Variants in NUDT16 observed in about 807,000 individuals in gnomAD.
NUDT16 encodes the protein U8 snoRNA-decapping enzyme.
Under a neutral mutation model 11.7 loss-of-function variants are expected in NUDT16, and 12 were observed. The observed-to-expected ratio is 1.03, with a 90% CI of 0.66 to 1.67. NUDT16 has a LOEUF of 1.67. NUDT16 is among the 40% of genes most tolerant of loss of function. NUDT16 has a pLI of 0.00. For missense variants in NUDT16, 303 were observed against 268.9 expected, an observed-to-expected ratio of 1.13 and a Z score of -0.89; for synonymous variants, 129 against 122.6, an observed-to-expected ratio of 1.05 and a Z score of -0.35.
At position 131,382,170 on chromosome 3, in the gene NUDT16, T is replaced by C. The variant is rs571825966; in HGVS notation, c.263T>C (p.Phe88Ser). 98 of 1,612,210 alleles carry C rather than the reference T, an allele frequency of 6.1e-5. No homozygotes were observed. In the East Asian group the frequency reaches 2.2e-3, roughly 36 times the overall value. ...REELGEAAAA[F>S]RVERTDYRSS... ...GAGCTGGGCGAAGCGGCTGCCGCTT[T>C]CCGCGTGGAGCGCACTGACTACCGC... Residue 88 changes from phenylalanine to serine, a missense_variant, in exon 2 of 3, where the codon TTC becomes TCC. Transcript: ENST00000521288.
rs1177150175 is a variant in NUDT16, at chr3:131,382,229, G to T, written c.322G>T (p.Ala108Ser). The change falls in exon 2 of 3, where the codon GCC becomes TCC. Residue 108 changes from alanine to serine, a missense_variant. By Grantham distance (99) the Ala-to-Ser change is moderately conservative. Coordinates refer to ENST00000521288, the MANE Select transcript of NUDT16 (RefSeq NM_152395.3). ...SHVGSGPRVVAHFYAKRLTLE... is the reference protein window; with the variant it reads ...SHVGSGPRVVSHFYAKRLTLE... ...CGTCGGGTCAGGGCCACGCGTTGTGGCCCACTTCTATGCCAAGCGTCTGAC... is the reference window on the plus strand; with the variant it reads ...CGTCGGGTCAGGGCCACGCGTTGTGTCCCACTTCTATGCCAAGCGTCTGAC... 6.2e-7 allele frequency: 1 copy of T among 1,610,220 alleles called. No homozygotes were observed. Among genetic ancestry groups the T allele is most frequent in the South Asian group, 1.1e-5 (1 of 90,856 alleles).
Position 131,383,590 on chromosome 3 carries a change from T to A in NUDT16, c.*249T>A, listed in dbSNP as rs1029645511. ...AGAGCCTGCCTCCTCCCTGTTTATA[T>A]GCGTACAGCCTGGTAACCCCCAGGC... On this transcript the variant is annotated 3_prime_UTR_variant, in exon 3 of 3. Coordinates refer to ENST00000521288, the MANE Select transcript of NUDT16 (RefSeq NM_152395.3). The surrounding 1 kb of genome is among the most constrained non-coding windows in gnomAD (Gnocchi z 4.4). 6.6e-5 allele frequency: 46 copies of A among 701,408 alleles called. No individual in the cohort carries two copies. Among genetic ancestry groups the A allele is most frequent in the Middle Eastern group, 4.0e-4 (1 of 2,530 alleles). The allele number at this position is 701,408 out of a possible 1,614,324, so 43.4% of individuals were successfully genotyped here. A position where few individuals can be genotyped will look rare whatever the true frequency, so the allele number is the denominator to read the frequency against.
rs1305253303 is a variant in NUDT16 at position 131,383,431 on chromosome 3, T to A, written c.*90T>A. The A allele has an allele frequency of 6.4e-7, 1 of 1,569,196 alleles. No individual in the cohort carries two copies. Among genetic ancestry groups the A allele is most frequent in the Admixed American group, 1.8e-5 (1 of 54,258 alleles). On this transcript the variant is annotated 3_prime_UTR_variant, in exon 3 of 3. Coordinates refer to ENST00000521288, the MANE Select transcript of NUDT16 (RefSeq NM_152395.3). This position sits in a 1 kb window ranked among gnomAD's most constrained non-coding sequence, Gnocchi z 4.4. ...GACGTGGGAATGTTTTCTTATTGGA[T>A]CTGAGAGATGATACATGATACCAGA...
chr3:131,381,855 G>A lies in NUDT16; in HGVS notation c.51G>A (p.Ser17=), dbSNP rs16836554. 1.2e-6 allele frequency: 2 copies of A among 1,600,914 alleles called. No homozygotes were observed. Among genetic ancestry groups the A allele is most frequent in the African/African-American group, 2.7e-5 (2 of 74,726 alleles). The change falls in exon 1 of 3, where the codon TCG becomes TCA. Residue 17 remains serine, a synonymous_variant. Coordinates refer to ENST00000521288, the MANE Select transcript of NUDT16 (RefSeq NM_152395.3). ...TAGGCGAGGCCCTGGCGCTGGGGTC[G>A]GGCTGGCGTCATGCGTGCCACGCTC... is the stretch of plus-strand genomic sequence containing the variant. The part of the protein sequence containing the change: ...LELGEALALG[S]GWRHACHALL...
chr3:131,381,833 G>A lies in NUDT16; in HGVS notation c.29G>A (p.Gly10Asp). 6.3e-7 allele frequency: 1 copy of A among 1,583,844 alleles called. No individual in the cohort carries two copies. Among genetic ancestry groups the A allele is most frequent in the African/African-American group, 1.3e-5 (1 of 74,536 alleles). The change falls in exon 1 of 3, where the codon GGC (glycine) becomes GAC (aspartate). Residue 10 changes from glycine (G) to aspartate (D), a missense_variant. By Grantham distance (94) the Gly-to-Asp change is moderately conservative. Transcript: ENST00000521288. ...GCCGGAGCCCGCAGGCTGGAGCTAG[G>A]CGAGGCCCTGGCGCTGGGGTCGGGC... MAGARRLEL[G>D]EALALGSGWR...
chr3:131,383,490 G>C lies in NUDT16; in HGVS notation c.*149G>C. 2.0e-6 allele frequency: 3 copies of C among 1,507,120 alleles called. No homozygotes were observed. The highest frequency in any genetic ancestry group is 2.7e-6 in the Non-Finnish European group (3 of 1,128,174). 93.4% of individuals were successfully genotyped at this position (1,507,120 alleles called of 1,614,324 possible). On this transcript the variant is annotated 3_prime_UTR_variant, in exon 3 of 3. Transcript: ENST00000521288. The surrounding 1 kb of genome is among the most constrained non-coding windows in gnomAD (Gnocchi z 4.4). ...AGGAGAAGTGTGTACCATATGTTTT[G>C]AGCAGAGGACCCTCCAACTTATGGC...
chr3:131,382,581 T>C (rs1235313186), intron 2 of NUDT16: 1 of 1,528,642 alleles, frequency 6.5e-7, no homozygotes, highest in South Asian at 1.2e-5. Context: ...TGTTCCCTAT[T>C]GACAGTGTGA....
chr3:131,384,696 G>C lies in NUDT16; in HGVS notation c.*1355G>C, dbSNP rs1223876034. ...GAAAGGGGCAAGTATAGAAGATTAG[G>C]ATGACTAAATTAATGGGGAAATGAT... On this transcript the variant is annotated 3_prime_UTR_variant, in exon 3 of 3. Transcript: ENST00000521288. 1 of 152,192 alleles carries C rather than the reference G, an allele frequency of 6.6e-6. No individual in the cohort carries two copies. Among genetic ancestry groups the C allele is most frequent in the Non-Finnish European group, 1.5e-5 (1 of 68,040 alleles). The allele number at this position is 152,192 out of a possible 1,614,324, so 9.4% of individuals were successfully genotyped here.
chr3:131,383,412 G>A lies in NUDT16; in HGVS notation c.*71G>A. 6.3e-7 allele frequency: 1 copy of A among 1,593,372 alleles called. No individual in the cohort carries two copies. Among genetic ancestry groups the A allele is most frequent in the Middle Eastern group, 1.7e-4 (1 of 6,048 alleles). ...TACTAGGGAGGGAGGGAAGGACGTG[G>A]GAATGTTTTCTTATTGGATCTGAGA... is the stretch of plus-strand genomic sequence containing the variant. On this transcript the variant is annotated 3_prime_UTR_variant, in exon 3 of 3. Coordinates refer to ENST00000521288, the MANE Select transcript of NUDT16 (RefSeq NM_152395.3). The surrounding 1 kb of genome is among the most constrained non-coding windows in gnomAD (Gnocchi z 4.4).
chr3:131,385,036 G>A lies in NUDT16; in HGVS notation c.*1695G>A, dbSNP rs550358038. On this transcript the variant is annotated 3_prime_UTR_variant, in exon 3 of 3. Coordinates refer to ENST00000521288, the MANE Select transcript of NUDT16 (RefSeq NM_152395.3). The stretch of plus-strand genomic sequence containing the variant: ...TTGCCAGGGAAGTAAAAGGAGTTGA[G>A]AGAAAGATGGGTCAGTTCAGAAGAC... 2.0e-5 allele frequency: 3 copies of A among 152,436 alleles called. No individual in the cohort carries two copies. The highest frequency in any genetic ancestry group is 2.1e-4 in the South Asian group (1 of 4,824). 9.4% of individuals were successfully genotyped at this position (152,436 alleles called of 1,614,324 possible).
rs976311156 is a variant in NUDT16, at chr3:131,384,434, A to G, written c.*1093A>G. 9 of 152,280 alleles carry G rather than the reference A, an allele frequency of 5.9e-5. No individual in the cohort carries two copies. The highest frequency in any genetic ancestry group is 7.3e-5 in the Non-Finnish European group (5 of 68,098). 9.4% of individuals were successfully genotyped at this position (152,280 alleles called of 1,614,324 possible). On this transcript the variant is annotated 3_prime_UTR_variant, in exon 3 of 3. Coordinates refer to ENST00000521288, the MANE Select transcript of NUDT16 (RefSeq NM_152395.3). ...AAGTTGGGGAGTAGAACGTGTGAGA[A>G]GTTGGCCTTCAAGGGGCTCAGGTTA...
chr3:131,382,337 G>C, intron 2 of NUDT16, 22 bp downstream of exon 2: 1 of 1,612,378 alleles, frequency 6.2e-7, no homozygotes, highest in Non-Finnish European at 8.5e-7. Context: ...CTGGGACTCT[G>C]TCCCTTTCCC....
At chr3:131,382,746 C>T (rs1003357858) in intron 2 of NUDT16, 43 of 1,347,550 alleles carry the variant, frequency 3.2e-5, no homozygotes, top group African/African-American at 1.9e-4. Flanking sequence ...GCAGAATCAT[C>T]GGGGCGTCTT....
intron 2 of NUDT16, chr3:131,382,793 G>A (rs2097456845): frequency 9.2e-7 from 1 of 1,084,994 alleles, no homozygotes; most frequent in East Asian, 2.8e-5. Flanking sequence ...TCCTGCATTG[G>A]TGGTGGGGCG....
rs1227686974 is a variant in NUDT16 at position 131,383,188 on chromosome 3, G to C, written c.435G>C (p.Leu145=). Residue 145 remains leucine, a synonymous_variant, in exon 3 of 3, where the codon CTG becomes CTC. Coordinates refer to ENST00000521288, the MANE Select transcript of NUDT16 (RefSeq NM_152395.3). The surrounding 1 kb of genome is among the most constrained non-coding windows in gnomAD (Gnocchi z 4.4). ...LEVLGLVRVP[L]YTLRDGVGGL... Reference sequence around the variant, plus strand: ...TGCTGGGCCTGGTGCGAGTGCCCCTGTATACCCTGCGGGATGGTGTAGGAG... The same window carrying C: ...TGCTGGGCCTGGTGCGAGTGCCCCTCTATACCCTGCGGGATGGTGTAGGAG... The C allele has an allele frequency of 1.9e-6, 3 of 1,613,248 alleles. No homozygotes were observed. The Admixed American group carries it at 5.0e-5, about 27-fold the overall frequency.
chr3:131,387,795 T>C lies in NUDT16; in HGVS notation c.*4454T>C, dbSNP rs1317840720. 6.6e-6 allele frequency: 1 copy of C among 152,240 alleles called. No individual in the cohort carries two copies. The highest frequency in any genetic ancestry group is 1.5e-5 in the Non-Finnish European group (1 of 68,064). The allele number at this position is 152,240 out of a possible 1,614,324, so 9.4% of individuals were successfully genotyped here. On this transcript the variant is annotated 3_prime_UTR_variant, in exon 3 of 3. Coordinates refer to ENST00000521288, the MANE Select transcript of NUDT16 (RefSeq NM_152395.3). ...TCCAGCACTAGTCCTAGGTTGTGGATGTAGGGAAAGGCCAGGTAAACAAGG... is the reference window on the plus strand; with the variant it reads ...TCCAGCACTAGTCCTAGGTTGTGGACGTAGGGAAAGGCCAGGTAAACAAGG...
At chr3:131,381,705 A>C, upstream of NUDT16, 1 of 1,302,970 alleles carries the variant, frequency 7.7e-7, no homozygotes, top group Non-Finnish European at 1.0e-6. Context: ...CCCTGCAGGG[A>C]TTGGGCCTTG....
Position 131,385,889 on chromosome 3 carries a change from C to T in NUDT16, c.*2548C>T, listed in dbSNP as rs2097459668. 6.6e-6 allele frequency: 1 copy of T among 152,256 alleles called. No homozygotes were observed. The highest frequency in any genetic ancestry group is 1.5e-5 in the Non-Finnish European group (1 of 68,124). The allele number at this position is 152,256 out of a possible 1,614,324, so 9.4% of individuals were successfully genotyped here. A position where few individuals can be genotyped will look rare whatever the true frequency, so the allele number is the denominator to read the frequency against. ...TCAGAGCCACTGACCCTTTATGGCA[C>T]TGCTAACAGACCCCTTCCCTCAGGT... On this transcript the variant is annotated 3_prime_UTR_variant, in exon 3 of 3. Transcript: ENST00000521288.
At chr3:131,382,738 A>C in intron 2 of NUDT16, 1 of 1,379,594 alleles carries the variant, frequency 7.2e-7, no homozygotes, top group South Asian at 1.7e-5. Flanking sequence ...GGCAGGTAGC[A>C]GAATCATCGG....
Sources: allele counts gnomAD v4.1 joint callset, GRCh38; gene constraint gnomAD v4.1.1; non-coding constraint Gnocchi (gnomAD v3.1); transcripts MANE v1.5; gene names NCBI Gene and HGNC (gene_info 2026-07-23, HGNC 2026-07-21).